Variants in MBTD1 observed in about 807,000 individuals in gnomAD.
The protein encoded by MBTD1 is MBT domain-containing protein 1.
In MBTD1, 24 loss-of-function variants were observed where a neutral mutation model predicts 87.8. The ratio of observed to expected loss-of-function variants is 0.27; its 90% CI spans 0.20 to 0.38. The LOEUF (loss-of-function observed/expected upper bound fraction) is 0.38. Among genes scored for constraint, MBTD1 ranks in the 10% least tolerant of loss-of-function variants. The probability of loss-of-function intolerance (pLI) is 1.00; values close to 1 mark genes in which losing one functional copy is unlikely to be tolerated. For synonymous variants in MBTD1, 237 were observed against 248.6 expected, an observed-to-expected ratio of 0.95 and a Z score of 0.44; for missense variants, 436 against 760.2, an observed-to-expected ratio of 0.57 and a Z score of 5.02.
At chr17:51,212,297 G>A (rs1235242151) in intron 6 of MBTD1, among the ~76,000 whole-genome samples, 1 of 151,624 alleles carries the variant, frequency 6.6e-6, no homozygotes, top group Non-Finnish European at 1.5e-5. Flanking sequence ...AGCAGAGGTT[G>A]CAGTGAGTCG....
At position 51,179,484 on chromosome 17, in the gene MBTD1, T is replaced by TATATATATATATATATATATA. The variant is rs60957699; in HGVS notation, c.*1091_*1092insTATATATATATATATATATAT. The TATATATATATATATATATATA allele has an allele frequency of 2.3e-4, 8 of 35,306 alleles. 1 individual carries two copies. Among genetic ancestry groups the TATATATATATATATATATATA allele is most frequent in the Non-Finnish European group, 4.1e-4 (7 of 17,020 alleles). The allele number at this position is 35,306 out of a possible 1,614,324, so 2.2% of individuals were successfully genotyped here. A position where few individuals can be genotyped will look rare whatever the true frequency, so the allele number is the denominator to read the frequency against. ...ATCCTGAATACAATTAAAGACAATTTTATATATATATATATATATATATAT... is the reference window on the plus strand; with the variant it reads ...ATCCTGAATACAATTAAAGACAATTTATATATATATATATATATATATATATATATATATATATATATATAT... On this transcript the variant is annotated 3_prime_UTR_variant, in exon 17 of 17. Coordinates refer to ENST00000586178, the MANE Select transcript of MBTD1 (RefSeq NM_017643.3).
chr17:51,260,741 C>A (rs2055432823), upstream of MBTD1: 1 of 1,584,386 alleles, frequency 6.3e-7, no homozygotes, highest in Non-Finnish European at 8.6e-7. Context: ...ACCGCCGGCC[C>A]GGCCGAGCGC....
chr17:51,240,200 C>T (rs537643471), intron 2 of MBTD1, among the ~76,000 whole-genome samples: 4 of 152,128 alleles, frequency 2.6e-5, no homozygotes, highest in Admixed American at 2.6e-4. Flanking sequence ...CAGTAGAGTT[C>T]CCATATGGCC....
chr17:51,179,031 C>T lies in MBTD1; in HGVS notation c.*1545G>A, dbSNP rs1421449901. 6.6e-6 allele frequency: 1 copy of T among 152,016 alleles called. No individual in the cohort carries two copies. Among genetic ancestry groups the T allele is most frequent in the Non-Finnish European group, 1.5e-5 (1 of 68,002 alleles). The allele number at this position is 152,016 out of a possible 1,614,324, so 9.4% of individuals were successfully genotyped here. ...TAAATTGCTGGTTTTTTTTAACGTT[C>T]TATGCATTTTAAAATTCAAACAAAA... is the stretch of plus-strand genomic sequence containing the variant. On this transcript the variant is annotated 3_prime_UTR_variant, in exon 17 of 17. Transcript: ENST00000586178.
At position 51,179,484 on chromosome 17, in the gene MBTD1, T is replaced by TTATATATATATATA. The variant is rs56750454; in HGVS notation, c.*1078_*1091dup. 5.7e-5 allele frequency: 2 copies of TTATATATATATATA among 35,302 alleles called. No individual in the cohort carries two copies. Among genetic ancestry groups the TTATATATATATATA allele is most frequent in the Non-Finnish European group, 1.2e-4 (2 of 17,016 alleles). 2.2% of individuals were successfully genotyped at this position (35,302 alleles called of 1,614,324 possible). A position where few individuals can be genotyped will look rare whatever the true frequency, so the allele number is the denominator to read the frequency against. On this transcript the variant is annotated 3_prime_UTR_variant, in exon 17 of 17. Coordinates refer to ENST00000586178, the MANE Select transcript of MBTD1 (RefSeq NM_017643.3). ...ATCCTGAATACAATTAAAGACAATT[T>TTATATATATATATA]TATATATATATATATATATATATAT... is the stretch of plus-strand genomic sequence containing the variant.
chr17:51,187,401 C>CAAA (rs201877980), intron 16 of MBTD1, among the ~76,000 whole-genome samples: 11 of 113,692 alleles, frequency 9.7e-5, no homozygotes, highest in African/African-American at 3.4e-4. Context: ...GACCTTGTCT[C>CAAA]AAAAAAAAAA....
chr17:51,190,750 A>AAAAAAAAAATATATATATATATAT (rs1555677185), intron 16 of MBTD1, among the ~76,000 whole-genome samples: 1 of 39,718 alleles, frequency 2.5e-5, no homozygotes, highest in African/African-American at 1.5e-4. Flanking sequence ...AAAAAAAAAA[A>AAAAAAAAAATATATATATATATAT]ATATATATAT....
rs2050209393 is a variant in MBTD1, at chr17:51,179,490, A to ATATATATATATATATATATTTATATT, written c.*1085_*1086insAATATAAATATATATATATATATATA. 8.5e-5 allele frequency: 2 copies of ATATATATATATATATATATTTATATT among 23,548 alleles called. No individual in the cohort carries two copies. The highest frequency in any genetic ancestry group is 1.8e-4 in the Non-Finnish European group (2 of 11,156). 1.5% of individuals were successfully genotyped at this position (23,548 alleles called of 1,614,324 possible). A position where few individuals can be genotyped will look rare whatever the true frequency, so the allele number is the denominator to read the frequency against. ...AATACAATTAAAGACAATTTTATAT[A>ATATATATATATATATATATTTATATT]TATATATATATATATATATATATAT... On this transcript the variant is annotated 3_prime_UTR_variant, in exon 17 of 17. Coordinates refer to ENST00000586178, the MANE Select transcript of MBTD1 (RefSeq NM_017643.3).
intron 3 of MBTD1, 46 bp downstream of exon 3, chr17:51,224,962 C>T (rs1568203224): frequency 7.8e-7 from 1 of 1,288,080 alleles, no homozygotes; most frequent in Non-Finnish European, 1.0e-6. Context: ...GAAAACACAC[C>T]CTTAAACATA....
At chr17:51,218,159 C>T (rs2052677897) in intron 5 of MBTD1, among the ~76,000 whole-genome samples, 1 of 151,964 alleles carries the variant, frequency 6.6e-6, no homozygotes, top group South Asian at 2.1e-4. Flanking sequence ...CACTTATTGC[C>T]CTTCTCACTA....
intron 2 of MBTD1, among the ~76,000 whole-genome samples, chr17:51,235,336 C>T (rs575270972): frequency 2.0e-5 from 3 of 151,984 alleles, no homozygotes; most frequent in African/African-American, 7.2e-5. Flanking sequence ...GGGGGTTACA[C>T]CATGTTGGCC....
In MBTD1 at chr17:51,218,916, T is replaced by C; in HGVS notation, c.403+14A>G. ...TGTCATATATTTCACCTCTGTCAGA[T>C]TCACCAATATTACCTGCTTTTGTCT... On this transcript the variant is annotated intron_variant, in intron 5 of 16. Coordinates refer to ENST00000586178, the MANE Select transcript of MBTD1 (RefSeq NM_017643.3). 2 of 1,421,918 alleles carry C rather than the reference T, an allele frequency of 1.4e-6. No individual in the cohort carries two copies. Among genetic ancestry groups the C allele is most frequent in the Non-Finnish European group, 1.9e-6 (2 of 1,029,220 alleles). 88.1% of individuals were successfully genotyped at this position (1,421,918 alleles called of 1,614,324 possible). A position where few individuals can be genotyped will look rare whatever the true frequency, so the allele number is the denominator to read the frequency against.
At chr17:51,244,397 A>T (rs1328083316) in intron 2 of MBTD1, among the ~76,000 whole-genome samples, 1 of 152,134 alleles carries the variant, frequency 6.6e-6, no homozygotes, top group Non-Finnish European at 1.5e-5. Flanking sequence ...GGCCACAATG[A>T]TGTCCCTGAA....
chr17:51,209,563 ACTTCAAGATCATT>A (rs1035488183), intron 6 of MBTD1: 1 of 453,768 alleles, frequency 2.2e-6, no homozygotes, highest in African/African-American at 2.0e-5. Flanking sequence ...TATTTGCTGT[ACTTCAAGATCATT>A]CCCAGATGGT....
At chr17:51,255,600 C>CTTT (rs1162659426) in intron 2 of MBTD1, among the ~76,000 whole-genome samples, 2 of 141,172 alleles carry the variant, frequency 1.4e-5, no homozygotes, top group African/African-American at 2.6e-5. Flanking sequence ...TTTTTTTTTC[C>CTTT]TTTTTTTTTT....
chr17:51,260,423 G>A (rs926703435), upstream of MBTD1: 1 of 757,414 alleles, frequency 1.3e-6, no homozygotes, highest in African/African-American at 1.8e-5. Flanking sequence ...CTGGGTAGGG[G>A]AGCGGGAGTT....
At position 51,217,167 on chromosome 17, in the gene MBTD1, C is replaced by T. The variant is rs138513500; in HGVS notation, c.486+167G>A. ...AGGAAACTTGTACTTACAAAACTTA[C>T]AGAAGTTCTTGTTAACTATTATTAA... On this transcript the variant is annotated intron_variant, in intron 6 of 16. Coordinates refer to ENST00000586178, the MANE Select transcript of MBTD1 (RefSeq NM_017643.3). Among the ~76,000 whole-genome samples, 577 of 152,210 alleles carry T rather than the reference C, an allele frequency of 3.8e-3. 4 individuals carry two copies. Among genetic ancestry groups the T allele is most frequent in the African/African-American group, 0.013 (552 of 41,558 alleles).
rs573391836 is a variant in MBTD1, at chr17:51,221,096, C to T, written c.155-633G>A. 2.6e-5 allele frequency among the ~76,000 whole-genome samples: 4 copies of T among 152,178 alleles called. No homozygotes were observed. In the East Asian group the frequency reaches 7.7e-4, roughly 29 times the overall value. ...CTGGCTCAAGGCCAGGAGTATGGGA[C>T]CAGCCTGGGCAAGATAGCAAGATCC... On this transcript the variant is annotated intron_variant, in intron 3 of 16. Transcript: ENST00000586178.
chr17:51,178,460 G>A lies in MBTD1; in HGVS notation c.*2116C>T, dbSNP rs2050173937. ...TTTCATAGATTACCAGGACTGACTAGCTCCAAATCCTCTCTCTCCTGGTTT... is the reference window on the plus strand; with the variant it reads ...TTTCATAGATTACCAGGACTGACTAACTCCAAATCCTCTCTCTCCTGGTTT... On this transcript the variant is annotated 3_prime_UTR_variant, in exon 17 of 17. Transcript: ENST00000586178. The A allele has an allele frequency of 6.6e-6, 1 of 152,182 alleles. No individual in the cohort carries two copies. The highest frequency in any genetic ancestry group is 2.4e-5 in the African/African-American group (1 of 41,438). The allele number at this position is 152,182 out of a possible 1,614,324, so 9.4% of individuals were successfully genotyped here.
Sources: allele counts gnomAD v4.1 joint callset (sites outside exome capture counted in the v4.1 genomes callset), GRCh38; gene constraint gnomAD v4.1.1; transcripts MANE v1.5; gene names NCBI Gene and HGNC (gene_info 2026-07-23, HGNC 2026-07-21).